BRF1: variants seen among roughly 807,000 people sequenced by gnomAD.
BRF1 encodes the protein BRF1 general transcription factor IIIB subunit, also known as transcription factor IIIB 90 kDa subunit.
A neutral mutation model predicts 81.7 loss-of-function variants in BRF1; 59 were observed. That is an observed-to-expected ratio of 0.72 (90% CI 0.59 to 0.90). The LOEUF (loss-of-function observed/expected upper bound fraction) is 0.90. Ranked by LOEUF, BRF1 falls within the 40% of genes least tolerant of loss-of-function variation. The pLI, the probability that BRF1 is intolerant of heterozygous loss-of-function variation, is 0.00. For missense variants in BRF1, 1,050 were observed against 936.3 expected, an observed-to-expected ratio of 1.12 and a Z score of -1.58; for synonymous variants, 491 against 395.6, an observed-to-expected ratio of 1.24 and a Z score of -2.86.
In BRF1 at chr14:105,286,277, C is replaced by T. The variant is rs746681475; in HGVS notation, c.265+19G>A. The T allele has an allele frequency of 1.8e-5, 29 of 1,608,132 alleles. No individual in the cohort carries two copies. The highest frequency in any genetic ancestry group is 2.4e-5 in the Non-Finnish European group (28 of 1,177,442). On this transcript the variant is annotated intron_variant, in intron 2 of 17. Transcript: ENST00000547530. ...CTGGGACCCGCCGCACGCTCAGCAG[C>T]ATCCGCGGTGGGAAATACCATTCTG...
intron 15 of BRF1, among the ~76,000 whole-genome samples, chr14:105,215,765 A>AC: frequency 7.0e-6 from 1 of 142,852 alleles, no homozygotes; most frequent in Middle Eastern, 4.4e-3. Flanking sequence ...GCACATACAC[A>AC]TGCACACACA....
chr14:105,289,354 A>G (rs1405304195), intron 1 of BRF1, among the ~76,000 whole-genome samples: 6 of 152,206 alleles, frequency 3.9e-5, no homozygotes, highest in Admixed American at 3.9e-4. Flanking sequence ...CAAATAATAA[A>G]CTAAACAGAA....
chr14:105,218,738 C>T (rs1056690912), intron 14 of BRF1, among the ~76,000 whole-genome samples: 12 of 152,204 alleles, frequency 7.9e-5, no homozygotes, highest in Non-Finnish European at 1.6e-4. Context: ...CAGTCTGCCC[C>T]GGTGCTGCAT....
intron 12 of BRF1, 174 bp downstream of exon 12, chr14:105,219,887 TGGAGAAGA>T: frequency 1.5e-6 from 1 of 676,124 alleles, no homozygotes; most frequent in South Asian, 1.9e-5. Flanking sequence ...GAGCCGACAC[TGGAGAAGA>T]GAGTGTGGGG....
At chr14:105,295,148 C>G (rs943599053) in intron 1 of BRF1, among the ~76,000 whole-genome samples, 5 of 151,936 alleles carry the variant, frequency 3.3e-5, no homozygotes, top group African/African-American at 1.2e-4. Context: ...CAATATCCCA[C>G]GCAAGCATCA....
chr14:105,262,755 CA>C (rs2056216734), intron 3 of BRF1, among the ~76,000 whole-genome samples: 1 of 152,180 alleles, frequency 6.6e-6, no homozygotes, highest in Admixed American at 6.5e-5. Flanking sequence ...CACATGCAAC[CA>C]GGCACATGGA....
chr14:105,220,825 G>A (rs111266432), intron 11 of BRF1, among the ~76,000 whole-genome samples: 163 of 152,290 alleles, frequency 1.1e-3, no homozygotes, highest in South Asian at 4.4e-3. Flanking sequence ...GGCCAGAGAC[G>A]GCTCCTCTCA....
At chr14:105,248,077 C>A in intron 5 of BRF1, 1 of 985,498 alleles carries the variant, frequency 1.0e-6, no homozygotes, top group Non-Finnish European at 1.2e-6. Flanking sequence ...CGACTAACCT[C>A]TCTGTGCCTA....
chr14:105,250,649 C>T (rs1236387127), intron 5 of BRF1: 2 of 1,610,260 alleles, frequency 1.2e-6, no homozygotes, highest in South Asian at 1.1e-5. Context: ...TGGGCAGATC[C>T]CTGAGCTCAT....
chr14:105,240,845 A>C (rs2054541802), intron 6 of BRF1, among the ~76,000 whole-genome samples: 1 of 112,038 alleles, frequency 8.9e-6, no homozygotes. Flanking sequence ...CTATCCGCGT[A>C]GTCGCCCAGC....
chr14:105,210,900 C>T lies in BRF1; in HGVS notation c.1996+222G>A, dbSNP rs1029080028. 7.2e-5 allele frequency among the ~76,000 whole-genome samples: 11 copies of T among 152,196 alleles called. No homozygotes were observed. Among genetic ancestry groups the T allele is most frequent in the African/African-American group, 2.4e-4 (10 of 41,444 alleles). ...ACCTCGTGCTGCTGGCTGGGCGGCCCTCGTGGTGGGTACCTCACCGTCCCT... is the reference window on the plus strand; with the variant it reads ...ACCTCGTGCTGCTGGCTGGGCGGCCTTCGTGGTGGGTACCTCACCGTCCCT... On this transcript the variant is annotated intron_variant, in intron 17 of 17. Coordinates refer to ENST00000547530, the MANE Select transcript of BRF1 (RefSeq NM_001519.4). This position sits in a 1 kb window ranked among gnomAD's most constrained non-coding sequence, Gnocchi z 4.7.
intron 5 of BRF1, chr14:105,250,193 CT>C: frequency 1.2e-6 from 2 of 1,613,026 alleles, no homozygotes; most frequent in South Asian, 2.2e-5. Context: ...GGACTTTCCC[CT>C]GACCAAGAGG....
chr14:105,229,578 T>C (rs1215684870), intron 6 of BRF1, among the ~76,000 whole-genome samples: 1 of 152,070 alleles, frequency 6.6e-6, no homozygotes, highest in African/African-American at 2.4e-5. Flanking sequence ...AAAGTGAGAG[T>C]CTGAGTGACA....
chr14:105,302,339 G>C (rs766045419), upstream of BRF1, among the ~76,000 whole-genome samples: 9 of 148,852 alleles, frequency 6.0e-5, no homozygotes, highest in Non-Finnish European at 1.2e-4. Flanking sequence ...GAGTAGCTGG[G>C]ATTACAGGTA....
chr14:105,250,269 G>T, intron 5 of BRF1: 2 of 1,613,110 alleles, frequency 1.2e-6, no homozygotes, highest in South Asian at 1.1e-5. Context: ...AACCAGTGGC[G>T]GTACCGCGGG....
At chr14:105,212,616 C>T (rs1157174743) in intron 15 of BRF1, 1 of 165,362 alleles carries the variant, frequency 6.0e-6, no homozygotes, top group East Asian at 1.7e-4. Flanking sequence ...GCCCGCCACA[C>T]ACAAAGGCCA....
Position 105,241,272 on chromosome 14 carries a change from G to T in BRF1, c.687C>A (p.Cys229Ter), listed in dbSNP as rs140813617. 3 of 1,611,444 alleles carry T rather than the reference G, an allele frequency of 1.9e-6. No individual in the cohort carries two copies. ...MHTGRRPSGLCGAALLVAARM... is the reference protein window; with the variant it reads ...MHTGRRPSGL The stretch of plus-strand genomic sequence containing the variant: ...AGGCAGGGCCCGCTGTACCTGCTCC[G>T]CAGAGGCCCGAGGGGCGCCGGCCTG... The change falls in exon 6 of 18, where the codon TGC becomes TGA. Residue 229 changes from cysteine (C) to a stop codon, truncating the protein, a stop_gained. Transcript: ENST00000547530. LOFTEE classifies it high-confidence loss of function.
chr14:105,315,150 C>A lies in BRF1; in HGVS notation c.-162+172G>T. 1 of 563,144 alleles carries A rather than the reference C, an allele frequency of 1.8e-6. No homozygotes were observed. Among genetic ancestry groups the A allele is most frequent in the Non-Finnish European group, 2.3e-6 (1 of 435,748 alleles). 34.9% of individuals were successfully genotyped at this position (563,144 alleles called of 1,614,324 possible). The stretch of plus-strand genomic sequence containing the variant: ...GGGTCCCCCAGCGGAGCCCAGGTCG[C>A]CCCCCGCGCCCCCGCCCGCCGGTTC... On this transcript the variant is annotated intron_variant, in intron 1 of 17. Transcript: ENST00000327359. This position sits in a 1 kb window ranked among gnomAD's most constrained non-coding sequence, Gnocchi z 4.4.
chr14:105,249,872 C>T lies in BRF1; in HGVS notation c.544+2635G>A, dbSNP rs375940510. The T allele has an allele frequency of 5.6e-6, 9 of 1,612,148 alleles. No homozygotes were observed. The highest frequency in any genetic ancestry group is 2.2e-5 in the East Asian group (1 of 44,880). ...TGACGCACAGGCCGAGATGGCCCTACGGTCCGAAGGCTTCTGTGAGATAGA... is the reference window on the plus strand; with the variant it reads ...TGACGCACAGGCCGAGATGGCCCTATGGTCCGAAGGCTTCTGTGAGATAGA... On this transcript the variant is annotated intron_variant, in intron 5 of 17. Coordinates refer to ENST00000547530, the MANE Select transcript of BRF1 (RefSeq NM_001519.4).
Sources: allele counts gnomAD v4.1 joint callset (sites outside exome capture counted in the v4.1 genomes callset), GRCh38; gene constraint gnomAD v4.1.1; non-coding constraint Gnocchi (gnomAD v3.1); transcripts MANE v1.5; gene names NCBI Gene and HGNC (gene_info 2026-07-23, HGNC 2026-07-21).